SPINT2: variants seen among roughly 807,000 people sequenced by gnomAD.
SPINT2 encodes the protein kunitz-type protease inhibitor 2.
In SPINT2, 18 loss-of-function variants were observed where a neutral mutation model predicts 30.1. The observed-to-expected ratio is 0.60, with a 90% CI of 0.41 to 0.89. The LOEUF (loss-of-function observed/expected upper bound fraction) is 0.89. SPINT2 is among the 40% of genes least tolerant of loss of function. The pLI, the probability that SPINT2 is intolerant of heterozygous loss-of-function variation, is 0.00. For synonymous variants in SPINT2, 139 were observed against 137.9 expected, an observed-to-expected ratio of 1.01 and a Z score of -0.05; for missense variants, 276 against 334.3, an observed-to-expected ratio of 0.83 and a Z score of 1.36.
intron 4 of SPINT2, 145 bp downstream of exon 4, chr19:38,289,336 T>C: frequency 1.5e-6 from 1 of 655,938 alleles, no homozygotes; most frequent in African/African-American, 1.8e-5. Context: ...TACGAAAAAT[T>C]AGCTGGACGT....
intron 1 of SPINT2, among the ~76,000 whole-genome samples, chr19:38,269,762 G>A (rs375723443): frequency 1.2e-4 from 18 of 151,778 alleles, no homozygotes; most frequent in East Asian, 5.8e-4. Context: ...GGCACCTGCC[G>A]CCACGCCCGG....
In SPINT2 at chr19:38,291,934, G is replaced by T. The variant is rs770968777; in HGVS notation, c.687G>T (p.Glu229Asp). 4.3e-6 allele frequency: 7 copies of T among 1,614,168 alleles called. No individual in the cohort carries two copies. The South Asian group carries it at 5.5e-5, about 13-fold the overall frequency. The change falls in exon 7 of 7, where the codon GAG becomes GAT. Residue 229 changes from glutamate to aspartate, a missense_variant. By Grantham distance (45) the Glu-to-Asp change is conservative (BLOSUM62 2). Transcript: ENST00000301244. ...TCCGGGTGGCACGGAGGAACCAGGAGCGTGCCCTGCGCACCGTCTGGAGCT... is the reference window on the plus strand; with the variant it reads ...TCCGGGTGGCACGGAGGAACCAGGATCGTGCCCTGCGCACCGTCTGGAGCT... ...YLIRVARRNQERALRTVWSSG... is the reference protein window; with the variant it reads ...YLIRVARRNQDRALRTVWSSG...
intron 1 of SPINT2, among the ~76,000 whole-genome samples, chr19:38,271,025 T>C (rs1433100714): frequency 2.0e-5 from 3 of 152,232 alleles, no homozygotes; most frequent in Non-Finnish European, 4.4e-5. Flanking sequence ...GCAACATCTT[T>C]TTGAAAACTC....
At chr19:38,266,687 AAAG>A (rs1334091618) in intron 1 of SPINT2, among the ~76,000 whole-genome samples, 2 of 152,080 alleles carry the variant, frequency 1.3e-5, no homozygotes, top group Non-Finnish European at 2.9e-5. Flanking sequence ...AAAAAAAAAA[AAAG>A]AGCAGGCTAG....
At chr19:38,288,387 C>T in intron 3 of SPINT2, 1 of 300,466 alleles carries the variant, frequency 3.3e-6, no homozygotes, top group Non-Finnish European at 6.5e-6. Flanking sequence ...CGCCTCCCCG[C>T]CACTGCAGCT....
In SPINT2 at chr19:38,281,641, G is replaced by A. The variant is rs142783902; in HGVS notation, c.107-1986G>A. 2.8e-3 allele frequency among the ~76,000 whole-genome samples: 431 copies of A among 152,110 alleles called. 2 individuals are homozygous for A. Among genetic ancestry groups the A allele is most frequent in the African/African-American group, 0.01 (420 of 41,496 alleles). On this transcript the variant is annotated intron_variant, in intron 1 of 6. Transcript: ENST00000301244. Reference sequence around the variant, plus strand: ...GGAGAACAGCTTGAACCTGGGAGGTGGAGGTTGCAGTTAGCGGAGATCACG... The same window carrying A: ...GGAGAACAGCTTGAACCTGGGAGGTAGAGGTTGCAGTTAGCGGAGATCACG...
At chr19:38,267,056 T>G (rs934157443) in intron 1 of SPINT2, among the ~76,000 whole-genome samples, 1 of 152,140 alleles carries the variant, frequency 6.6e-6, no homozygotes, top group African/African-American at 2.4e-5. Context: ...TTACTTGCCT[T>G]GCCCGAGGTC....
intron 2 of SPINT2, among the ~76,000 whole-genome samples, chr19:38,286,369 G>C (rs560138768): frequency 2.6e-5 from 4 of 152,224 alleles, no homozygotes; most frequent in Non-Finnish European, 4.4e-5. Flanking sequence ...GGCAGAACGC[G>C]GGGAGCTGGT....
rs902568647 is a variant in SPINT2 at position 38,292,550 on chromosome 19, C to T, written c.*544C>T. On this transcript the variant is annotated 3_prime_UTR_variant, in exon 7 of 7. Coordinates refer to ENST00000301244, the MANE Select transcript of SPINT2 (RefSeq NM_021102.4). ...TGTCCCATTCTAGAAATAGACCCCT[C>T]AAAATAGCGTCTTTCAGATCTTTTT... 6.5e-6 allele frequency: 1 copy of T among 153,446 alleles called. No individual in the cohort carries two copies. The highest frequency in any genetic ancestry group is 2.4e-5 in the African/African-American group (1 of 41,448). The allele number at this position is 153,446 out of a possible 1,614,324, so 9.5% of individuals were successfully genotyped here.
intron 1 of SPINT2, among the ~76,000 whole-genome samples, chr19:38,266,945 G>A (rs1429963006): frequency 2.6e-5 from 4 of 152,200 alleles, no homozygotes; most frequent in Admixed American, 2.6e-4. Context: ...TACCTCTGGT[G>A]CTTACTCTGA....
At chr19:38,269,878 G>A (rs1226735298) in intron 1 of SPINT2, among the ~76,000 whole-genome samples, 1 of 152,234 alleles carries the variant, frequency 6.6e-6, no homozygotes, top group African/African-American at 2.4e-5. Context: ...CAAAGTGCTG[G>A]GATTACAGGC....
rs764287916 is a variant in SPINT2 at position 38,291,943 on chromosome 19, G to T, written c.696G>T (p.Leu232=). 5.9e-5 allele frequency: 95 copies of T among 1,614,132 alleles called. No individual in the cohort carries two copies. The Middle Eastern group carries it at 6.6e-4, about 11-fold the overall frequency. Residue 232 remains leucine, a synonymous_variant, in exon 7 of 7, where the codon CTG becomes CTT. Transcript: ENST00000301244. The part of the protein sequence containing the change: ...RVARRNQERA[L]RTVWSSGDDK... ...CACGGAGGAACCAGGAGCGTGCCCT[G>T]CGCACCGTCTGGAGCTCCGGAGATG...
intron 1 of SPINT2, 67 bp from the exon 2 acceptor site, chr19:38,283,560 G>T: frequency 6.3e-7 from 1 of 1,599,874 alleles, no homozygotes; most frequent in South Asian, 1.1e-5. Context: ...CCATGTACAG[G>T]TCTGTGCGTG....
In SPINT2 at chr19:38,278,916, A is replaced by G. The variant is rs187642692; in HGVS notation, c.107-4711A>G. ...TGTTTCCTGAAGGAACACTGCCTCC[A>G]TTAAAACAAATGAGCAAACAAAATC... On this transcript the variant is annotated intron_variant, in intron 1 of 6. Coordinates refer to ENST00000301244, the MANE Select transcript of SPINT2 (RefSeq NM_021102.4). Among the ~76,000 whole-genome samples, 97 of 152,314 alleles carry G rather than the reference A, an allele frequency of 6.4e-4. No homozygotes were observed. The East Asian group carries it at 0.013, about 20-fold the overall frequency.
chr19:38,285,796 G>A (rs1054268130), intron 2 of SPINT2, among the ~76,000 whole-genome samples: 1 of 152,022 alleles, frequency 6.6e-6, no homozygotes, highest in Non-Finnish European at 1.5e-5. Context: ...TATTTCTATC[G>A]TCAGCTGTGA....
chr19:38,283,388 C>T (rs1225867376), intron 1 of SPINT2, among the ~76,000 whole-genome samples: 2 of 152,138 alleles, frequency 1.3e-5, no homozygotes, highest in East Asian at 3.8e-4. Context: ...GGACAAAACA[C>T]ACAACTGAAA....
intron 1 of SPINT2, among the ~76,000 whole-genome samples, chr19:38,268,477 A>G (rs892594955): frequency 1.3e-5 from 2 of 152,214 alleles, no homozygotes; most frequent in Non-Finnish European, 2.9e-5. Context: ...CTTTGCCTGA[A>G]AGACATGAAG....
At chr19:38,265,211 GGA>G in intron 1 of SPINT2, 1 of 525,168 alleles carries the variant, frequency 1.9e-6, no homozygotes, top group South Asian at 2.2e-5. Context: ...GCGAGGGTTA[GGA>G]GAGTTTCCTT....
intron 1 of SPINT2, among the ~76,000 whole-genome samples, chr19:38,268,410 G>A (rs974444267): frequency 2.6e-5 from 4 of 152,174 alleles, no homozygotes; most frequent in African/African-American, 9.7e-5. Flanking sequence ...CAGCCTTTAT[G>A]TGACTTGTAC....
Sources: allele counts gnomAD v4.1 joint callset (sites outside exome capture counted in the v4.1 genomes callset), GRCh38; gene constraint gnomAD v4.1.1; transcripts MANE v1.5; gene names NCBI Gene and HGNC (gene_info 2026-07-23, HGNC 2026-07-21).